Variants in SLC9B2 observed in about 807,000 individuals in gnomAD.
SLC9B2 encodes sodium/hydrogen exchanger 9B2.
Under a neutral mutation model 52.2 loss-of-function variants are expected in SLC9B2, and 39 were observed. The ratio of observed to expected loss-of-function variants is 0.75; its 90% CI spans 0.58 to 0.98. SLC9B2 has a LOEUF of 0.98. SLC9B2 is among the 50% of genes least tolerant of loss of function. SLC9B2 has a pLI of 0.00. For synonymous variants in SLC9B2, 214 were observed against 227.0 expected (o/e 0.94, Z 0.51); for missense variants, 626 against 637.5 (o/e 0.98, Z 0.19).
intron 2 of SLC9B2, 41 bp from the exon 3 acceptor site, chr4:103,066,548 T>A (rs769299325): frequency 6.4e-7 from 1 of 1,559,858 alleles, no homozygotes; most frequent in Non-Finnish European, 8.7e-7. Flanking sequence ...AAACTGTATA[T>A]ATTTTACACA....
chr4:103,038,863 G>C (rs1743395284), intron 9 of SLC9B2, among the ~76,000 whole-genome samples: 1 of 152,146 alleles, frequency 6.6e-6, no homozygotes, highest in Non-Finnish European at 1.5e-5. Flanking sequence ...AAAGGTGAGT[G>C]CATCTGAATA....
intron 3 of SLC9B2, among the ~76,000 whole-genome samples, chr4:103,061,845 T>C (rs1484644647): frequency 6.6e-6 from 1 of 152,210 alleles, no homozygotes; most frequent in Non-Finnish European, 1.5e-5. Context: ...TGTGACAAGA[T>C]TGTTCATTGA....
At chr4:103,062,218 C>T (rs755253008) in intron 3 of SLC9B2, among the ~76,000 whole-genome samples, 6 of 152,046 alleles carry the variant, frequency 3.9e-5, no homozygotes, top group Non-Finnish European at 7.4e-5. Flanking sequence ...GTCAGAAGTT[C>T]GAGACCAGCC....
Position 103,044,940 on chromosome 4 carries a change from T to A in SLC9B2, c.946A>T (p.Thr316Ser), listed in dbSNP as rs766198898. Residue 316 changes from threonine (T) to serine (S), a missense_variant, in exon 8 of 12, where the codon ACT becomes TCT. Transcript: ENST00000394785. Reference sequence around the variant, plus strand: ...ATGAAAAATCCAAGAACAGATCCAGTTGCCACACCAATTACCACCTCCAAA... The same window carrying A: ...ATGAAAAATCCAAGAACAGATCCAGATGCCACACCAATTACCACCTCCAAA... ...GVLEVVIGVA[T>S]GSVLGFFIQY... The A allele has an allele frequency of 3.1e-6, 5 of 1,613,942 alleles. No individual in the cohort carries two copies. The South Asian group carries it at 5.5e-5, about 18-fold the overall frequency.
chr4:103,043,508 T>A (rs1743826354), intron 8 of SLC9B2, 63 bp from the exon 9 acceptor site: 2 of 1,447,570 alleles, frequency 1.4e-6, no homozygotes, highest in Non-Finnish European at 9.4e-7. Flanking sequence ...ATGATTGATT[T>A]TTTCCATATC....
intron 10 of SLC9B2, among the ~76,000 whole-genome samples, chr4:103,031,035 T>C (rs918305551): frequency 2.6e-5 from 4 of 152,006 alleles, no homozygotes; most frequent in African/African-American, 7.2e-5. Flanking sequence ...TAAGAGAGAT[T>C]GGAGACTAAA....
At chr4:103,021,761 G>A (rs947546982), downstream of SLC9B2, among the ~76,000 whole-genome samples, 1 of 152,208 alleles carries the variant, frequency 6.6e-6, no homozygotes, top group East Asian at 1.9e-4. Flanking sequence ...TTCTTTTCTA[G>A]TCTTATCTCT....
chr4:103,020,679 AC>A (rs2110556080), downstream of SLC9B2, among the ~76,000 whole-genome samples: 1 of 152,106 alleles, frequency 6.6e-6, no homozygotes, highest in African/African-American at 2.4e-5. Flanking sequence ...TCACTCTATT[AC>A]CCCGGCTGGA....
At position 103,026,222 on chromosome 4, in the gene SLC9B2, A is replaced by G. The variant is rs898724491; in HGVS notation, c.*148T>C. The G allele has an allele frequency of 1.4e-6, 1 of 694,202 alleles. No homozygotes were observed. The highest frequency in any genetic ancestry group is 1.8e-5 in the African/African-American group (1 of 55,728). 43.0% of individuals were successfully genotyped at this position (694,202 alleles called of 1,614,324 possible). On this transcript the variant is annotated 3_prime_UTR_variant, in exon 12 of 12. Transcript: ENST00000394785. ...ATAGATCATTACCACCCACATGGAAAGAGCAAGGGCTAAAAATGCTGTTTA... is the reference window on the plus strand; with the variant it reads ...ATAGATCATTACCACCCACATGGAAGGAGCAAGGGCTAAAAATGCTGTTTA...
At chr4:103,044,335 G>C (rs1014299718) in intron 8 of SLC9B2, among the ~76,000 whole-genome samples, 2 of 152,188 alleles carry the variant, frequency 1.3e-5, no homozygotes, top group African/African-American at 4.8e-5. Flanking sequence ...TTCTGTATCT[G>C]CTATAGCCAC....
Position 103,044,939 on chromosome 4 carries a change from G to C in SLC9B2, c.947C>G (p.Thr316Ser). 2 of 1,613,888 alleles carry C rather than the reference G, an allele frequency of 1.2e-6. No homozygotes were observed. Among genetic ancestry groups the C allele is most frequent in the South Asian group, 2.2e-5 (2 of 91,064 alleles). Residue 316 changes from threonine to serine, a missense_variant, in exon 8 of 12, where the codon ACT becomes AGT. Thr to Ser is a moderately conservative substitution (Grantham distance 58). Coordinates refer to ENST00000394785, the MANE Select transcript of SLC9B2 (RefSeq NM_178833.7). ...AATGAAAAATCCAAGAACAGATCCA[G>C]TTGCCACACCAATTACCACCTCCAA... ...GVLEVVIGVA[T>S]GSVLGFFIQY... is the part of the protein sequence containing the mutation.
At chr4:103,074,123 C>T (rs1316197377) in intron 1 of SLC9B2, among the ~76,000 whole-genome samples, 1 of 152,062 alleles carries the variant, frequency 6.6e-6, no homozygotes, top group Admixed American at 6.5e-5. Context: ...TTTAAATGAC[C>T]AGGTAAAGAG....
chr4:103,020,958 T>C (rs1230525009), downstream of SLC9B2, among the ~76,000 whole-genome samples: 3 of 152,192 alleles, frequency 2.0e-5, no homozygotes, highest in African/African-American at 7.2e-5. Flanking sequence ...CCTTCCCTCC[T>C]TCAACGTGTT....
At chr4:103,052,039 C>T (rs1310791071) in intron 4 of SLC9B2, among the ~76,000 whole-genome samples, 5 of 152,168 alleles carry the variant, frequency 3.3e-5, no homozygotes, top group Non-Finnish European at 5.9e-5. Flanking sequence ...ATTTAAGTGC[C>T]TGCTACATGC....
At chr4:103,047,570 G>T (rs1240995551) in intron 6 of SLC9B2, among the ~76,000 whole-genome samples, 2 of 119,840 alleles carry the variant, frequency 1.7e-5, no homozygotes, top group African/African-American at 6.7e-5. Flanking sequence ...ACAGGCCCTG[G>T]TGTGTGATGT....
chr4:103,043,354 C>A lies in SLC9B2; in HGVS notation c.1088G>T (p.Gly363Val). ...AGCCATGACCAACGTGCACAGTCCT[C>A]CTGATCCAGGGAAACCAAAATGCAC... ...SSVHFGFPGS[G>V]GLCTLVMAFL... Residue 363 changes from glycine (G) to valine (V), a missense_variant, in exon 9 of 12, where the codon GGA becomes GTA. Gly to Val is a moderately radical substitution (Grantham distance 109). Transcript: ENST00000394785. 1 of 1,613,876 alleles carries A rather than the reference C, an allele frequency of 6.2e-7. No homozygotes were observed. Among genetic ancestry groups the A allele is most frequent in the Non-Finnish European group, 8.5e-7 (1 of 1,179,922 alleles).
chr4:103,023,513 C>G lies in SLC9B2; in HGVS notation c.*2857G>C, dbSNP rs1216028888. ...AAACCCCGGCCTTCACATGGTGAGC[C>G]CTGCTGAATGGTCAGCCTCTGTCAT... On this transcript the variant is annotated 3_prime_UTR_variant, in exon 12 of 12. Coordinates refer to ENST00000394785, the MANE Select transcript of SLC9B2 (RefSeq NM_178833.7). 3.9e-5 allele frequency among the ~76,000 whole-genome samples: 6 copies of G among 152,138 alleles called. No homozygotes were observed. Among genetic ancestry groups the G allele is most frequent in the Admixed American group, 3.9e-4 (6 of 15,272 alleles).
At chr4:103,044,299 T>C (rs895905155) in intron 8 of SLC9B2, among the ~76,000 whole-genome samples, 2 of 152,228 alleles carry the variant, frequency 1.3e-5, no homozygotes, top group African/African-American at 2.4e-5. Flanking sequence ...TGTTTTCCAA[T>C]AGAATGTTTA....
chr4:103,068,689 A>G (rs1339623383), intron 1 of SLC9B2, among the ~76,000 whole-genome samples: 1 of 152,212 alleles, frequency 6.6e-6, no homozygotes, highest in Non-Finnish European at 1.5e-5. Context: ...TAGTAAGGAA[A>G]CTTACTCCTA....
Sources: allele counts gnomAD v4.1 joint callset (sites outside exome capture counted in the v4.1 genomes callset), GRCh38; gene constraint gnomAD v4.1.1; transcripts MANE v1.5; gene names NCBI Gene and HGNC (gene_info 2026-07-23, HGNC 2026-07-21).